Variants in PITRM1 observed in about 807,000 individuals in gnomAD.
PITRM1 encodes presequence protease, mitochondrial.
In PITRM1, 100 loss-of-function variants were observed where a neutral mutation model predicts 129.9. The observed-to-expected ratio is 0.77, with a 90% confidence interval of 0.65 to 0.91. PITRM1 has a LOEUF of 0.91. PITRM1 is among the 40% of genes least tolerant of loss of function. The pLI is 0.00. For synonymous variants in PITRM1, 591 were observed against 508.8 expected (o/e 1.16, Z -2.17); for missense variants, 1,471 against 1,318.3 (o/e 1.12, Z -1.79).
chr10:3,137,823 AT>A lies in PITRM1; in HGVS notation c.*207del. 1 of 563,162 alleles carries A rather than the reference AT, an allele frequency of 1.8e-6. No individual in the cohort carries two copies. The highest frequency in any genetic ancestry group is 2.1e-5 in the South Asian group (1 of 48,528). 34.9% of individuals were successfully genotyped at this position (563,162 alleles called of 1,614,324 possible). A position where few individuals can be genotyped will look rare whatever the true frequency, so the allele number is the denominator to read the frequency against. Reference sequence around the variant, plus strand: ...ACAAAGTGAAAATTCTACATGGTGCATCTTTGGCGCTTCATGCATGATTATT... The same window carrying A: ...ACAAAGTGAAAATTCTACATGGTGCACTTTGGCGCTTCATGCATGATTATT... On this transcript the variant is annotated 3_prime_UTR_variant, in exon 27 of 27. Transcript: ENST00000224949.
intron 2 of PITRM1, among the ~76,000 whole-genome samples, chr10:3,168,827 T>C (rs993630918): frequency 6.6e-6 from 1 of 152,156 alleles, no homozygotes; most frequent in African/African-American, 2.4e-5. Flanking sequence ...TATTTCTTCA[T>C]AGCAGTGTGA....
At chr10:3,161,383 A>G (rs1431604250) in intron 7 of PITRM1, among the ~76,000 whole-genome samples, 1 of 152,234 alleles carries the variant, frequency 6.6e-6, no homozygotes, top group African/African-American at 2.4e-5. Flanking sequence ...CAACCAGAGG[A>G]AAAAGGTTAC....
intron 14 of PITRM1, among the ~76,000 whole-genome samples, chr10:3,153,763 T>TC (rs1364742179): frequency 6.6e-6 from 1 of 152,114 alleles, no homozygotes; most frequent in Non-Finnish European, 1.5e-5. Flanking sequence ...CAAAATGGAG[T>TC]CACTTACTTT....
chr10:3,159,071 G>A, intron 9 of PITRM1, 29 bp from the exon 10 acceptor site: 3 of 1,589,332 alleles, frequency 1.9e-6, no homozygotes, highest in Non-Finnish European at 2.6e-6. Flanking sequence ...GAACGGGGAG[G>A]TAAGAAAAGA....
intron 10 of PITRM1, 40 bp downstream of exon 10, chr10:3,158,874 A>G: frequency 6.3e-7 from 1 of 1,599,796 alleles, no homozygotes; most frequent in Non-Finnish European, 8.5e-7. Context: ...ACTGCCCCCA[A>G]CCAATGAGAA....
intron 15 of PITRM1, among the ~76,000 whole-genome samples, chr10:3,150,402 CCA>C (rs111644662): frequency 0.036 from 5,383 of 151,602 alleles, 177 homozygotes; most frequent in East Asian, 0.15. Context: ...TCACATGCGC[CCA>C]CACACACACA....
chr10:3,156,323 G>T (rs1278089700), intron 13 of PITRM1, among the ~76,000 whole-genome samples: 1 of 152,162 alleles, frequency 6.6e-6, no homozygotes, highest in Admixed American at 6.5e-5. Context: ...AAACAGGTGA[G>T]ATAACTAGAA....
chr10:3,146,320 T>C (rs1209298902), intron 20 of PITRM1: 1 of 153,118 alleles, frequency 6.5e-6, no homozygotes, highest in Non-Finnish European at 1.5e-5. Flanking sequence ...ATTATATTAA[T>C]ACTAACTATA....
intron 22 of PITRM1, 193 bp downstream of exon 22, chr10:3,144,099 G>A (rs1840573732): frequency 1.7e-6 from 1 of 597,664 alleles, no homozygotes; most frequent in Admixed American, 3.0e-5. Flanking sequence ...CCCCACCAGG[G>A]CCTTCACTCA....
In PITRM1 at chr10:3,145,655, G is replaced by A; in HGVS notation, c.2398C>T (p.Leu800Phe). Reference sequence around the variant, plus strand: ...TTTTTACTCCGACCGATGCTTCTAAGGAAGTCTTCGACCGCTTTTTCTGTC... The same window carrying A: ...TTTTTACTCCGACCGATGCTTCTAAAGAAGTCTTCGACCGCTTTTTCTGTC... Reference protein sequence around the residue: ...PQTEKAVEDFLRSIGRSKKER... With the variant: ...PQTEKAVEDFFRSIGRSKKER... Residue 800 changes from leucine (L) to phenylalanine (F), a missense_variant, in exon 21 of 27, where the codon CTT becomes TTT. Physicochemically the swap from Leu to Phe is conservative, Grantham distance 22 (BLOSUM62 0). Transcript: ENST00000224949. 1 of 1,550,560 alleles carries A rather than the reference G, an allele frequency of 6.4e-7. No homozygotes were observed. The highest frequency in any genetic ancestry group is 8.7e-7 in the Non-Finnish European group (1 of 1,146,998).
intron 25 of PITRM1, 92 bp downstream of exon 25, chr10:3,138,812 G>A: frequency 1.7e-6 from 2 of 1,209,398 alleles, no homozygotes; most frequent in South Asian, 2.4e-5. Context: ...CCAGAAGCTA[G>A]TGCTCCTGCC....
Position 3,147,597 on chromosome 10 carries a change from T to C in PITRM1, c.2210A>G (p.Gln737Arg). Residue 737 changes from glutamine to arginine, a missense_variant, in exon 19 of 27, where the codon CAG becomes CGG. Coordinates refer to ENST00000224949, the MANE Select transcript of PITRM1 (RefSeq NM_014889.4). ...CTGATCCATCCCGCTGAAGGTCTCC[T>C]GCAGGTCCCCTGCGGGCGTGAGGGT... is the stretch of plus-strand genomic sequence containing the variant. ...GRTLTPAGDL[Q>R]ETFSGMDQVR... is the part of the protein sequence containing the mutation. 6.2e-7 allele frequency: 1 copy of C among 1,614,046 alleles called. No individual in the cohort carries two copies. The highest frequency in any genetic ancestry group is 8.5e-7 in the Non-Finnish European group (1 of 1,179,878).
intron 21 of PITRM1, 77 bp downstream of exon 21, chr10:3,145,519 G>C: frequency 8.0e-7 from 1 of 1,257,468 alleles, no homozygotes; most frequent in South Asian, 1.3e-5. Context: ...TGAGAATTGA[G>C]TTAATGCGTG....
intron 24 of PITRM1, among the ~76,000 whole-genome samples, chr10:3,140,314 G>A (rs1402245910): frequency 6.6e-6 from 1 of 152,188 alleles, no homozygotes; most frequent in African/African-American, 2.4e-5. Context: ...GAAGAATGGT[G>A]TACAATTTAA....
chr10:3,170,667 G>A (rs1446664798), intron 1 of PITRM1, among the ~76,000 whole-genome samples: 1 of 152,186 alleles, frequency 6.6e-6, no homozygotes, highest in Non-Finnish European at 1.5e-5. Context: ...AGTACAAAGT[G>A]GAATAACTTT....
Position 3,163,710 on chromosome 10 carries a change from CCAA to C in PITRM1, c.791+12_791+14del, listed in dbSNP as rs375693404. ...TTTCACAATCCACCATCAAACTTTTCCAACAAAATATTACCTAGCATTGCTTGG... is the reference window on the plus strand; with the variant it reads ...TTTCACAATCCACCATCAAACTTTTCCAAAATATTACCTAGCATTGCTTGG... On this transcript the variant is annotated intron_variant, in intron 7 of 26. Transcript: ENST00000224949. The C allele has an allele frequency of 8.3e-4, 1,314 of 1,579,936 alleles. 12 individuals carry two copies. The African/African-American group carries it at 0.016, about 19-fold the overall frequency.
At position 3,144,337 on chromosome 10, in the gene PITRM1, A is replaced by G; in HGVS notation, c.2487T>C (p.Asp829=). 1 of 1,562,578 alleles carries G rather than the reference A, an allele frequency of 6.4e-7. No individual in the cohort carries two copies. The highest frequency in any genetic ancestry group is 8.7e-7 in the Non-Finnish European group (1 of 1,152,130). The change falls in exon 22 of 27, where the codon GAT becomes GAC. Residue 829 remains aspartate, a synonymous_variant. Transcript: ENST00000224949. Reference sequence around the variant, plus strand: ...CCTGGGAGCCATGGGGAACGTGGGCATCTCCACCAGAGCTGCTGGGCACAG... The same window carrying G: ...CCTGGGAGCCATGGGGAACGTGGGCGTCTCCACCAGAGCTGCTGGGCACAG... ...EKPVPSSSGG[D]AHVPHGSQVI...
intron 14 of PITRM1, among the ~76,000 whole-genome samples, chr10:3,154,790 T>A (rs1369364093): frequency 6.6e-6 from 1 of 152,152 alleles, no homozygotes; most frequent in African/African-American, 2.4e-5. Context: ...GAGAATCCAT[T>A]TGGGTCCCCT....
rs1839902876 is a variant in PITRM1 at position 3,138,958 on chromosome 10, C to T, written c.2863G>A (p.Ala955Thr). Residue 955 changes from alanine to threonine, a missense_variant, in exon 25 of 27, where the codon GCC becomes ACC. By Grantham distance (58) the Ala-to-Thr change is moderately conservative. Coordinates refer to ENST00000224949, the MANE Select transcript of PITRM1 (RefSeq NM_014889.4). ...ACGGTTGAGAAGACAGAAAGTTTGG[C>T]TTCGTCGATGTCTTGCTGTGTGAAT... Reference protein sequence around the residue: ...GKFTQQDIDEAKLSVFSTVDA... With the variant: ...GKFTQQDIDETKLSVFSTVDA... 1.2e-5 allele frequency: 19 copies of T among 1,613,996 alleles called. No individual in the cohort carries two copies. The highest frequency in any genetic ancestry group is 1.6e-5 in the Non-Finnish European group (19 of 1,179,860).
Sources: allele counts gnomAD v4.1 joint callset (sites outside exome capture counted in the v4.1 genomes callset), GRCh38; gene constraint gnomAD v4.1.1; transcripts MANE v1.5; gene names NCBI Gene and HGNC (gene_info 2026-07-23, HGNC 2026-07-21).